SPPL3: variants seen among roughly 807,000 people sequenced by gnomAD.
SPPL3 encodes the protein signal peptide peptidase-like 3.
SPPL3 carries 5 observed loss-of-function variants against 42.4 expected under a neutral mutation model. That is an observed-to-expected ratio of 0.12 (90% CI 0.06 to 0.25). The LOEUF (loss-of-function observed/expected upper bound fraction) is 0.25, where lower values mean the gene tolerates loss of function less well. Among genes scored for constraint, SPPL3 ranks in the 10% least tolerant of loss-of-function variants. The probability of loss-of-function intolerance (pLI) is 1.00; values close to 1 mark genes in which losing one functional copy is unlikely to be tolerated. For synonymous variants in SPPL3, 195 were observed against 181.8 expected, an observed-to-expected ratio of 1.07 and a Z score of -0.58; for missense variants, 235 against 489.0, an observed-to-expected ratio of 0.48 and a Z score of 4.90.
At chr12:120,765,389 G>A (rs1291559643) in intron 10 of SPPL3, among the ~76,000 whole-genome samples, 2 of 152,004 alleles carry the variant, frequency 1.3e-5, no homozygotes, top group African/African-American at 4.8e-5. Flanking sequence ...CTGGGTTCAA[G>A]CGATTCTCTT....
In SPPL3 at chr12:120,806,144, A is replaced by G. The variant is rs917340279; in HGVS notation, c.101+4665T>C. On this transcript the variant is annotated intron_variant, in intron 2 of 10. Coordinates refer to ENST00000353487, the MANE Select transcript of SPPL3 (RefSeq NM_139015.5). ...CAACAATCAAAACATTGGCACTGGC[A>G]TAAGAAGAGACATACAGACCAGACC... 6.6e-5 allele frequency among the ~76,000 whole-genome samples: 10 copies of G among 152,054 alleles called. 1 individual carries two copies. The highest frequency in any genetic ancestry group is 2.2e-4 in the African/African-American group (9 of 41,392).
chr12:120,796,300 C>A (rs759921959), intron 2 of SPPL3, among the ~76,000 whole-genome samples: 3 of 152,086 alleles, frequency 2.0e-5, no homozygotes, highest in Admixed American at 6.5e-5. Flanking sequence ...TGCTTGAACC[C>A]GGAAGGCAGA....
intron 1 of SPPL3, among the ~76,000 whole-genome samples, chr12:120,840,698 G>C (rs1346735271): frequency 1.3e-5 from 2 of 152,080 alleles, no homozygotes; most frequent in Non-Finnish European, 2.9e-5. Context: ...GGGTGTGGTG[G>C]TGTGCGCCTG....
intron 6 of SPPL3, among the ~76,000 whole-genome samples, chr12:120,770,339 T>G (rs1388262459): frequency 2.6e-5 from 4 of 152,236 alleles, no homozygotes; most frequent in Non-Finnish European, 5.9e-5. Context: ...AAGTCCTTTT[T>G]TTAATGACTT....
chr12:120,871,646 G>A (rs1007870108), intron 1 of SPPL3, among the ~76,000 whole-genome samples: 3 of 151,934 alleles, frequency 2.0e-5, no homozygotes, highest in South Asian at 4.2e-4. Flanking sequence ...CCACCTACTC[G>A]GGCGGCTAAG....
At chr12:120,881,473 AAAAAAAAAAAAGAG>A (rs1873280783) in intron 1 of SPPL3, among the ~76,000 whole-genome samples, 1 of 133,434 alleles carries the variant, frequency 7.5e-6, no homozygotes. Flanking sequence ...CTCAAAAAAA[AAAAAAAAAAAAGAG>A]AAGAGAAGAG....
At chr12:120,848,028 T>C (rs1024278316) in intron 1 of SPPL3, among the ~76,000 whole-genome samples, 3 of 152,254 alleles carry the variant, frequency 2.0e-5, no homozygotes, top group East Asian at 1.9e-4. Flanking sequence ...TAAAACAAAA[T>C]CTAGTCTTGT....
At chr12:120,822,707 A>T (rs1239962643) in intron 1 of SPPL3, among the ~76,000 whole-genome samples, 6 of 152,146 alleles carry the variant, frequency 3.9e-5, no homozygotes, top group Non-Finnish European at 5.9e-5. Flanking sequence ...AGACAGACTG[A>T]ATTTCAGTAG....
intron 1 of SPPL3, among the ~76,000 whole-genome samples, chr12:120,838,179 A>G (rs1375478467): frequency 1.3e-5 from 2 of 152,266 alleles, no homozygotes; most frequent in East Asian, 3.8e-4. Context: ...AAAGGCTAGA[A>G]AAAGAAATGG....
intron 1 of SPPL3, among the ~76,000 whole-genome samples, chr12:120,892,086 G>A (rs539516610): frequency 7.2e-5 from 11 of 152,260 alleles, no homozygotes; most frequent in Admixed American, 3.3e-4. Flanking sequence ...GCAGTAAGAT[G>A]TTCTCTCCTC....
chr12:120,830,989 G>T (rs1371320970), intron 1 of SPPL3, among the ~76,000 whole-genome samples: 1 of 152,134 alleles, frequency 6.6e-6, no homozygotes, highest in Non-Finnish European at 1.5e-5. Context: ...GAGTTCAGCA[G>T]ATGATCCTCC....
chr12:120,902,919 T>C (rs1419766653), intron 1 of SPPL3, among the ~76,000 whole-genome samples: 2 of 152,090 alleles, frequency 1.3e-5, no homozygotes, highest in Non-Finnish European at 2.9e-5. Context: ...CACCTCTACA[T>C]GCTAAAGGGA....
intron 1 of SPPL3, chr12:120,845,584 C>A (rs1387228757): frequency 2.1e-6 from 1 of 474,988 alleles, no homozygotes; most frequent in Admixed American, 2.8e-5. Flanking sequence ...GCATCCAGGC[C>A]CACCATGAGG....
intron 1 of SPPL3, among the ~76,000 whole-genome samples, chr12:120,837,250 C>G (rs1871651000): frequency 6.6e-6 from 1 of 152,088 alleles, no homozygotes; most frequent in African/African-American, 2.4e-5. Flanking sequence ...GACCAGTTCT[C>G]AATCACAAGC....
chr12:120,881,736 T>C (rs1365193970), intron 1 of SPPL3, among the ~76,000 whole-genome samples: 2 of 151,090 alleles, frequency 1.3e-5, no homozygotes, highest in African/African-American at 4.9e-5. Context: ...AGGAAGAAAA[T>C]TCTGACACAC....
chr12:120,900,678 C>T (rs1396157711), intron 1 of SPPL3, among the ~76,000 whole-genome samples: 1 of 151,604 alleles, frequency 6.6e-6, no homozygotes, highest in African/African-American at 2.4e-5. Context: ...AGGCCAATCC[C>T]AGGCAGACTG....
chr12:120,888,258 T>C (rs1873525483), intron 1 of SPPL3, among the ~76,000 whole-genome samples: 1 of 152,108 alleles, frequency 6.6e-6, no homozygotes, highest in African/African-American at 2.4e-5. Context: ...GTATTTTTAG[T>C]AGAGACAGGG....
chr12:120,865,346 G>C (rs1038183070), intron 1 of SPPL3, among the ~76,000 whole-genome samples: 2 of 152,126 alleles, frequency 1.3e-5, no homozygotes, highest in Non-Finnish European at 2.9e-5. Flanking sequence ...GATCTACAAC[G>C]GCCAGTACAG....
At chr12:120,861,887 G>C (rs948862726) in intron 1 of SPPL3, among the ~76,000 whole-genome samples, 10 of 152,194 alleles carry the variant, frequency 6.6e-5, no homozygotes, top group Non-Finnish European at 1.3e-4. Flanking sequence ...GAACTCAAAG[G>C]ATTGGGAATA....
Sources: allele counts gnomAD v4.1 joint callset (sites outside exome capture counted in the v4.1 genomes callset), GRCh38; gene constraint gnomAD v4.1.1; transcripts MANE v1.5; gene names NCBI Gene and HGNC (gene_info 2026-07-23, HGNC 2026-07-21).